SLC10A7: variants seen among roughly 807,000 people sequenced by gnomAD.
SLC10A7 encodes the protein sodium/bile acid cotransporter 7.
SLC10A7 carries 29 observed loss-of-function variants against 43.2 expected under a neutral mutation model. The observed-to-expected ratio is 0.67, with a 90% CI of 0.50 to 0.92. The LOEUF is 0.92. SLC10A7 is among the 40% of genes least tolerant of loss of function. SLC10A7 has a pLI of 0.00. For missense variants in SLC10A7, 295 were observed against 403.2 expected (o/e 0.73, Z 2.30); for synonymous variants, 152 against 144.8 (o/e 1.05, Z -0.35).
At chr4:146,504,027 G>T in intron 3 of SLC10A7, 103 bp from the exon 4 acceptor site, 1 of 981,654 alleles carries the variant, frequency 1.0e-6, no homozygotes, top group Non-Finnish European at 1.6e-6. Flanking sequence ...GAATATAAGG[G>T]CATATTTATT....
Position 146,305,370 on chromosome 4 carries a change from A to G in SLC10A7, c.555+556T>C, listed in dbSNP as rs1277661737. Among the ~76,000 whole-genome samples, 5 of 148,346 alleles carry G rather than the reference A, an allele frequency of 3.4e-5. No homozygotes were observed. The East Asian group carries it at 1.0e-3, about 30-fold the overall frequency. On this transcript the variant is annotated intron_variant, in intron 7 of 11. Coordinates refer to ENST00000335472, the MANE Select transcript of SLC10A7 (RefSeq NM_001029998.6). ...TATTCTCACTCATAGGTGGGAATTG[A>G]ACAATGAGATCACATGGACACAGGA...
intron 7 of SLC10A7, among the ~76,000 whole-genome samples, chr4:146,303,125 AG>A (rs1400714033): frequency 6.6e-6 from 1 of 152,196 alleles, no homozygotes; most frequent in Non-Finnish European, 1.5e-5. Context: ...TATAAAGACC[AG>A]GTGCTCTTGC....
intron 4 of SLC10A7, among the ~76,000 whole-genome samples, chr4:146,495,649 C>A (rs147401391): frequency 6.6e-5 from 10 of 152,246 alleles, no homozygotes; most frequent in Non-Finnish European, 1.3e-4. Flanking sequence ...ACTCAGACTT[C>A]TATGACCTTC....
chr4:146,390,909 C>CA (rs1214081071), intron 5 of SLC10A7, among the ~76,000 whole-genome samples: 4 of 151,676 alleles, frequency 2.6e-5, no homozygotes, highest in African/African-American at 9.7e-5. Context: ...AATACGGAAG[C>CA]AAGAGGGGTT....
At chr4:146,516,661 A>T (rs1318333805) in intron 2 of SLC10A7, among the ~76,000 whole-genome samples, 1 of 152,036 alleles carries the variant, frequency 6.6e-6, no homozygotes, top group Non-Finnish European at 1.5e-5. Context: ...AGTCCTGGGA[A>T]CCAAAGATGA....
intron 4 of SLC10A7, among the ~76,000 whole-genome samples, chr4:146,499,129 A>C (rs1394292267): frequency 1.3e-5 from 2 of 152,338 alleles, no homozygotes; most frequent in South Asian, 4.1e-4. Flanking sequence ...AAATATATAA[A>C]TATACATGAG....
intron 3 of SLC10A7, among the ~76,000 whole-genome samples, chr4:146,508,292 G>GT (rs1253586479): frequency 2.0e-5 from 3 of 152,164 alleles, no homozygotes; most frequent in Non-Finnish European, 2.9e-5. Flanking sequence ...AACCAACTAG[G>GT]TTGGAAGTTC....
chr4:146,274,174 G>C (rs931332829), intron 10 of SLC10A7, among the ~76,000 whole-genome samples: 1 of 151,620 alleles, frequency 6.6e-6, no homozygotes, highest in Admixed American at 6.6e-5. Context: ...GCACTAAATG[G>C]GTGGTTCTCT....
rs564344288 is a variant in SLC10A7, at chr4:146,293,521, G to A, written c.721+409C>T. Among the ~76,000 whole-genome samples the A allele has an allele frequency of 5.3e-5, 8 of 152,100 alleles. No homozygotes were observed. The East Asian group carries it at 1.2e-3, about 22-fold the overall frequency. On this transcript the variant is annotated intron_variant, in intron 8 of 11. Transcript: ENST00000335472. ...TGTAAATATTCATATTTTAACCAAC[G>A]CAGCCAAGTTATTATACTTAGAAAT...
intron 5 of SLC10A7, among the ~76,000 whole-genome samples, chr4:146,370,202 G>A (rs1736672847): frequency 6.6e-6 from 1 of 152,120 alleles, no homozygotes; most frequent in Admixed American, 6.6e-5. Context: ...GCTCCCAAGA[G>A]GCTTGTTGTT....
chr4:146,378,414 A>G (rs1464757792), intron 5 of SLC10A7, among the ~76,000 whole-genome samples: 1 of 152,220 alleles, frequency 6.6e-6, no homozygotes, highest in Non-Finnish European at 1.5e-5. Context: ...TCACAAAGAT[A>G]ACCAGTCTTT....
At chr4:146,375,044 A>G (rs759275932) in intron 5 of SLC10A7, among the ~76,000 whole-genome samples, 1 of 151,992 alleles carries the variant, frequency 6.6e-6, no homozygotes, top group Non-Finnish European at 1.5e-5. Flanking sequence ...TGTCTCTACT[A>G]AAAAAACAAA....
chr4:146,448,980 C>T (rs188741277), intron 4 of SLC10A7, among the ~76,000 whole-genome samples: 2 of 152,306 alleles, frequency 1.3e-5, no homozygotes, highest in Admixed American at 1.3e-4. Context: ...CACCACACCT[C>T]TCAAGTTGGG....
rs565980307 is a variant in SLC10A7, at chr4:146,479,035, G to A, written c.396+24814C>T. On this transcript the variant is annotated intron_variant, in intron 4 of 11. Coordinates refer to ENST00000335472, the MANE Select transcript of SLC10A7 (RefSeq NM_001029998.6). Reference sequence around the variant, plus strand: ...ATACAAATAGAATATAAGCCAAGTGGAAAACAGCTTAATTTGTGAACTTTG... The same window carrying A: ...ATACAAATAGAATATAAGCCAAGTGAAAAACAGCTTAATTTGTGAACTTTG... 3.3e-5 allele frequency among the ~76,000 whole-genome samples: 5 copies of A among 152,058 alleles called. No individual in the cohort carries two copies. In the South Asian group the frequency reaches 1.0e-3, roughly 32 times the overall value.
At chr4:146,498,881 C>A (rs1335675619) in intron 4 of SLC10A7, among the ~76,000 whole-genome samples, 1 of 152,092 alleles carries the variant, frequency 6.6e-6, no homozygotes, top group Non-Finnish European at 1.5e-5. Context: ...CAACCCATGA[C>A]AAAATCTTTT....
intron 7 of SLC10A7, among the ~76,000 whole-genome samples, chr4:146,296,952 C>A (rs779181822): frequency 6.6e-6 from 1 of 152,144 alleles, no homozygotes; most frequent in Non-Finnish European, 1.5e-5. Flanking sequence ...ATTCTCCAAA[C>A]TTCTTTGCCT....
chr4:146,296,753 G>A (rs1015251900), intron 7 of SLC10A7, among the ~76,000 whole-genome samples: 1 of 152,126 alleles, frequency 6.6e-6, no homozygotes, highest in Non-Finnish European at 1.5e-5. Flanking sequence ...CAAAGCAGCT[G>A]CTTTTGCACT....
chr4:146,447,668 TA>T lies in SLC10A7; in HGVS notation c.397-4848del, dbSNP rs777457673. On this transcript the variant is annotated intron_variant, in intron 4 of 11. Coordinates refer to ENST00000335472, the MANE Select transcript of SLC10A7 (RefSeq NM_001029998.6). Reference sequence around the variant, plus strand: ...GGTGAATAATTAGATCAATCCTAGCTAAAAAAAAAAAAGTTCATATTGAGAT... The same window carrying T: ...GGTGAATAATTAGATCAATCCTAGCTAAAAAAAAAAAGTTCATATTGAGAT... Among the ~76,000 whole-genome samples, 171 of 142,250 alleles carry T rather than the reference TA, an allele frequency of 1.2e-3. 1 individual carries two copies. The highest frequency in any genetic ancestry group is 1.5e-3 in the African/African-American group (58 of 39,060). The allele number at this position is 142,250 out of a possible 152,430, so 93.3% of individuals were successfully genotyped here. A position where few individuals can be genotyped will look rare whatever the true frequency, so the allele number is the denominator to read the frequency against.
At chr4:146,354,337 T>C (rs1174973014) in intron 5 of SLC10A7, among the ~76,000 whole-genome samples, 1 of 152,158 alleles carries the variant, frequency 6.6e-6, no homozygotes, top group Non-Finnish European at 1.5e-5. Flanking sequence ...ACAAGGGATG[T>C]GAAGGACCTC....
Sources: gnomAD v4.1 joint callset for allele counts (sites outside exome capture counted in the v4.1 genomes callset) on GRCh38, gnomAD v4.1.1 for gene constraint, MANE v1.5 for transcripts, NCBI Gene and HGNC (gene_info 2026-07-23, HGNC 2026-07-21) for gene names.